Variants in BBS9 observed in about 807,000 individuals in gnomAD.
BBS9 encodes the protein protein PTHB1.
A neutral mutation model predicts 117.7 loss-of-function variants in BBS9; 89 were observed. The ratio of observed to expected loss-of-function variants is 0.76; its 90% confidence interval spans 0.64 to 0.90. The LOEUF (loss-of-function observed/expected upper bound fraction) is 0.90. Among genes scored for constraint, BBS9 ranks in the 40% least tolerant of loss-of-function variants. The pLI, the probability that BBS9 is intolerant of heterozygous loss-of-function variation, is 0.00. For missense variants in BBS9, 982 were observed against 1,042.2 expected (o/e 0.94, Z 0.80); for synonymous variants, 379 against 370.9 (o/e 1.02, Z -0.25).
intron 21 of BBS9, among the ~76,000 whole-genome samples, chr7:33,574,726 C>CACACACATAT (rs759591866): frequency 1.5e-5 from 2 of 129,582 alleles, no homozygotes; most frequent in South Asian, 4.7e-4. Flanking sequence ...CACACACACA[C>CACACACATAT]GCGCACACAC....
intron 5 of BBS9, among the ~76,000 whole-genome samples, chr7:33,239,171 CA>C (rs1794045694): frequency 6.6e-6 from 1 of 152,114 alleles, no homozygotes; most frequent in Non-Finnish European, 1.5e-5. Context: ...CTTCATCAGG[CA>C]AAAGTGACAT....
chr7:33,133,965 A>G (rs2128055398), intron 1 of BBS9, among the ~76,000 whole-genome samples: 1 of 152,324 alleles, frequency 6.6e-6, no homozygotes, highest in South Asian at 2.1e-4. Flanking sequence ...ACCAATGCTT[A>G]TTACTATCTG....
At chr7:33,177,851 T>TA (rs762943878) in intron 5 of BBS9, 341 of 383,814 alleles carry the variant, frequency 8.9e-4, no homozygotes, top group South Asian at 1.1e-3. Context: ...ATCAAAATAA[T>TA]AAAAAAAAAC....
intron 9 of BBS9, among the ~76,000 whole-genome samples, chr7:33,311,568 A>T (rs1809225166): frequency 6.6e-6 from 1 of 152,118 alleles, no homozygotes; most frequent in Admixed American, 6.5e-5. Flanking sequence ...CTCCTCAAAA[A>T]TGTCTACATA....
chr7:33,366,042 A>G (rs1821646885), intron 16 of BBS9, among the ~76,000 whole-genome samples: 1 of 152,096 alleles, frequency 6.6e-6, no homozygotes, highest in Non-Finnish European at 1.5e-5. Flanking sequence ...TCATGAAGTG[A>G]CTGTGACCTG....
At chr7:33,470,116 C>A (rs1840772150) in intron 19 of BBS9, among the ~76,000 whole-genome samples, 1 of 152,138 alleles carries the variant, frequency 6.6e-6, no homozygotes, top group African/African-American at 2.4e-5. Context: ...GGACTTACTA[C>A]AATGCCTGGG....
intron 7 of BBS9, among the ~76,000 whole-genome samples, chr7:33,266,120 A>G (rs1298077826): frequency 1.3e-5 from 2 of 152,068 alleles, no homozygotes; most frequent in African/African-American, 4.8e-5. Flanking sequence ...GCCTTTCCTT[A>G]TCATTTGCAG....
chr7:33,516,823 G>T (rs1314044209), intron 20 of BBS9, among the ~76,000 whole-genome samples: 1 of 152,206 alleles, frequency 6.6e-6, no homozygotes, highest in African/African-American at 2.4e-5. Flanking sequence ...GGAAATTTAG[G>T]TTTAGATCTC....
At chr7:33,173,043 G>T (rs1012292918) in intron 4 of BBS9, among the ~76,000 whole-genome samples, 1 of 152,102 alleles carries the variant, frequency 6.6e-6, no homozygotes, top group Admixed American at 6.5e-5. Flanking sequence ...TTCCAGAAAG[G>T]CATATTTTAG....
At chr7:33,294,290 C>CTTCT (rs1554402348) in intron 9 of BBS9, among the ~76,000 whole-genome samples, 1 of 141,208 alleles carries the variant, frequency 7.1e-6, no homozygotes, top group Non-Finnish European at 1.5e-5. Context: ...ATCTATCTAT[C>CTTCT]ATCTATCTAT....
intron 6 of BBS9, 51 bp from the exon 7 acceptor site, chr7:33,264,239 T>C: frequency 1.0e-6 from 1 of 961,034 alleles, no homozygotes; most frequent in Non-Finnish European, 1.5e-6. Context: ...AAATAATTTA[T>C]AATTTTTAAT....
At chr7:33,373,127 A>G (rs1823169360) in intron 17 of BBS9, among the ~76,000 whole-genome samples, 2 of 152,054 alleles carry the variant, frequency 1.3e-5, no homozygotes, top group East Asian at 1.9e-4. Flanking sequence ...GCTTAGCACA[A>G]TGAATGAGAA....
At chr7:33,342,555 C>T (rs188292201) in intron 11 of BBS9, among the ~76,000 whole-genome samples, 1 of 152,166 alleles carries the variant, frequency 6.6e-6, no homozygotes, top group Non-Finnish European at 1.5e-5. Context: ...CTATTGGTAA[C>T]CCTGAATGCT....
chr7:33,408,667 T>G (rs1270564216), intron 19 of BBS9, among the ~76,000 whole-genome samples: 1 of 152,226 alleles, frequency 6.6e-6, no homozygotes, highest in Non-Finnish European at 1.5e-5. Flanking sequence ...AATGTGGTGA[T>G]GAACATATGG....
intron 19 of BBS9, among the ~76,000 whole-genome samples, chr7:33,461,093 T>G (rs1839402920): frequency 6.6e-6 from 1 of 152,054 alleles, no homozygotes; most frequent in Non-Finnish European, 1.5e-5. Context: ...TGTATAATAG[T>G]CCATTATGTG....
At chr7:33,439,602 A>C (rs1835844903) in intron 19 of BBS9, among the ~76,000 whole-genome samples, 1 of 142,192 alleles carries the variant, frequency 7.0e-6, no homozygotes, top group Admixed American at 7.3e-5. Flanking sequence ...AGTCTTGGCT[A>C]ACTGCAACCT....
intron 21 of BBS9, among the ~76,000 whole-genome samples, chr7:33,591,990 A>G (rs1474134106): frequency 6.6e-6 from 1 of 152,088 alleles, no homozygotes; most frequent in Non-Finnish European, 1.5e-5. Context: ...GGATGTGTAC[A>G]GTATTTTCAT....
At chr7:33,201,655 C>T (rs866071702) in intron 5 of BBS9, among the ~76,000 whole-genome samples, 17 of 152,268 alleles carry the variant, frequency 1.1e-4, no homozygotes, top group African/African-American at 1.9e-4. Flanking sequence ...GTAGGCTTAC[C>T]ACAGGTCTGA....
chr7:33,279,669 T>G (rs1032971808), intron 9 of BBS9, among the ~76,000 whole-genome samples: 1 of 152,226 alleles, frequency 6.6e-6, no homozygotes, highest in Non-Finnish European at 1.5e-5. Flanking sequence ...CTCTACCTTG[T>G]TTATTACATA....
Sources: gnomAD v4.1 joint callset for allele counts (sites outside exome capture counted in the v4.1 genomes callset) on GRCh38, gnomAD v4.1.1 for gene constraint, MANE v1.5 for transcripts, NCBI Gene and HGNC (gene_info 2026-07-23, HGNC 2026-07-21) for gene names.